Variants in GREB1 observed in about 807,000 individuals in gnomAD.
The protein encoded by GREB1 is protein GREB1.
GREB1 carries 106 observed loss-of-function variants against 200.7 expected under a neutral mutation model. The ratio of observed to expected loss-of-function variants is 0.53; its 90% CI spans 0.45 to 0.62. The LOEUF (loss-of-function observed/expected upper bound fraction) is 0.62, where lower values mean the gene tolerates loss of function less well. Among genes scored for constraint, GREB1 ranks in the 20% least tolerant of loss-of-function variants. GREB1 has a pLI of 0.00. For synonymous variants in GREB1, 1,132 were observed against 1,092.4 expected (o/e 1.04, Z -0.72); for missense variants, 2,243 against 2,556.8 (o/e 0.88, Z 2.65).
chr2:11,534,209 A>G lies in GREB1; in HGVS notation c.-207A>G, dbSNP rs887886389. 1 of 152,272 alleles carries G rather than the reference A, an allele frequency of 6.6e-6. No homozygotes were observed. The highest frequency in any genetic ancestry group is 1.5e-5 in the Non-Finnish European group (1 of 68,024). The allele number at this position is 152,272 out of a possible 1,614,324, so 9.4% of individuals were successfully genotyped here. A position where few individuals can be genotyped will look rare whatever the true frequency, so the allele number is the denominator to read the frequency against. ...CTGGAGCCCTATGGAAAGTTCTGAC[A>G]CCATGTGTGGAAGGACATGGCTTTT... On this transcript the variant is annotated 5_prime_UTR_variant, in exon 1 of 33. Coordinates refer to ENST00000381486, the MANE Select transcript of GREB1 (RefSeq NM_014668.4).
intron 4 of GREB1, 76 bp downstream of exon 4, chr2:11,566,732 G>A: frequency 1.5e-6 from 2 of 1,361,612 alleles, no homozygotes; most frequent in East Asian, 4.8e-5. Flanking sequence ...CACGGCGGGG[G>A]GTGGTGGCAA....
intron 6 of GREB1, among the ~76,000 whole-genome samples, chr2:11,579,473 C>T (rs1679238366): frequency 6.6e-6 from 1 of 152,236 alleles, no homozygotes; most frequent in Admixed American, 6.5e-5. Flanking sequence ...GCAAGTACTC[C>T]AAGCGTGTTA....
chr2:11,549,312 T>C (rs904882921), intron 1 of GREB1, among the ~76,000 whole-genome samples: 2 of 152,170 alleles, frequency 1.3e-5, no homozygotes, highest in Non-Finnish European at 2.9e-5. Context: ...AACATTAAAA[T>C]GTTTTCTCTT....
At chr2:11,593,397 G>T (rs1019216909) in intron 11 of GREB1, among the ~76,000 whole-genome samples, 1 of 139,544 alleles carries the variant, frequency 7.2e-6, no homozygotes, top group Non-Finnish European at 1.5e-5. Flanking sequence ...GCTCCACCAC[G>T]TGGGTGGTCA....
At chr2:11,550,205 G>A (rs1300723742) in intron 1 of GREB1, among the ~76,000 whole-genome samples, 2 of 152,132 alleles carry the variant, frequency 1.3e-5, no homozygotes, top group East Asian at 1.9e-4. Context: ...AAACAAGAGC[G>A]AAACTCTGTC....
rs528866834 is a variant in GREB1 at position 11,580,289 on chromosome 2, A to C, written c.773-415A>C. Among the ~76,000 whole-genome samples the C allele has an allele frequency of 6.8e-4, 103 of 152,282 alleles. No homozygotes were observed. Among genetic ancestry groups the C allele is most frequent in the African/African-American group, 2.4e-3 (98 of 41,542 alleles). ...AGGTCTTGAGAGAGAAGGTAGAAGG[A>C]AGCAGAACAGTTTCAGGTGTGGTCC... On this transcript the variant is annotated intron_variant, in intron 6 of 32. Transcript: ENST00000381486. The surrounding 1 kb of genome is among the most constrained non-coding windows in gnomAD (Gnocchi z 4.5).
At chr2:11,555,627 A>C (rs1676356911) in intron 1 of GREB1, among the ~76,000 whole-genome samples, 1 of 152,230 alleles carries the variant, frequency 6.6e-6, no homozygotes, top group Non-Finnish European at 1.5e-5. Context: ...GAAGCCAGTC[A>C]CAAAAGACCT....
At chr2:11,551,644 T>TC (rs1453500933) in intron 1 of GREB1, among the ~76,000 whole-genome samples, 18 of 152,262 alleles carry the variant, frequency 1.2e-4, no homozygotes, top group Admixed American at 1.2e-3. Flanking sequence ...TTCGTGCCTT[T>TC]GCACTCTCCT....
At chr2:11,488,821 G>A (rs1672716093) in intron 1 of GREB1, among the ~76,000 whole-genome samples, 1 of 144,854 alleles carries the variant, frequency 6.9e-6, no homozygotes, top group Non-Finnish European at 1.5e-5. Flanking sequence ...TTTGGGAAAG[G>A]AATTACCAGA....
chr2:11,631,987 G>A lies in GREB1; in HGVS notation c.4690G>A (p.Ala1564Thr), dbSNP rs1293685704. ...HEHGLFNLYH[A>T]MDGASHLHVL... ...ACATGGGCTCTTTAATCTGTACCACGCAATGGACGGTGCCAGCCATTTGCA... is the reference window on the plus strand; with the variant it reads ...ACATGGGCTCTTTAATCTGTACCACACAATGGACGGTGCCAGCCATTTGCA... The change falls in exon 27 of 33, where the codon GCA becomes ACA. Residue 1564 changes from alanine (A) to threonine (T), a missense_variant. Ala to Thr is a moderately conservative substitution (Grantham distance 58). Transcript: ENST00000381486. 5.6e-6 allele frequency: 9 copies of A among 1,613,750 alleles called. No homozygotes were observed. The highest frequency in any genetic ancestry group is 1.7e-5 in the Admixed American group (1 of 59,996).
chr2:11,509,498 A>G lies in GREB1; in HGVS notation c.-159+27117A>G, dbSNP rs528214542. ...CTTTAAAAAAAAAAGTTACCACAAT[A>G]CCGTTATCACACCTAAAAAACATTA... On this transcript the variant is annotated intron_variant, in intron 1 of 2. Coordinates refer to the GREB1 transcript ENST00000628795. Among the ~76,000 whole-genome samples the G allele has an allele frequency of 5.9e-5, 9 of 152,266 alleles. No individual in the cohort carries two copies. In the East Asian group the frequency reaches 1.7e-3, roughly 29 times the overall value.
chr2:11,543,047 C>G (rs574546791), intron 1 of GREB1, among the ~76,000 whole-genome samples: 1 of 152,240 alleles, frequency 6.6e-6, no homozygotes, highest in South Asian at 2.1e-4. Flanking sequence ...TCTACTGTCT[C>G]TTTTTAGGGG....
intron 3 of GREB1, among the ~76,000 whole-genome samples, chr2:11,563,888 A>C (rs546482067): frequency 3.9e-4 from 59 of 152,322 alleles, no homozygotes; most frequent in African/African-American, 1.4e-3. Flanking sequence ...GCTATACAGG[A>C]AAGTGGATAC....
In GREB1 at chr2:11,602,330, G is replaced by A. The variant is rs558361928; in HGVS notation, c.2530-76G>A. ...ATGAAGTTGCCAACCCAGGTCATCCGCAGGCCTGGCACACGAACCTCTGAC... is the reference window on the plus strand; with the variant it reads ...ATGAAGTTGCCAACCCAGGTCATCCACAGGCCTGGCACACGAACCTCTGAC... On this transcript the variant is annotated intron_variant, in intron 16 of 32. Coordinates refer to ENST00000381486, the MANE Select transcript of GREB1 (RefSeq NM_014668.4). The A allele has an allele frequency of 3.9e-5, 54 of 1,370,272 alleles. 1 individual carries two copies. Among genetic ancestry groups the A allele is most frequent in the African/African-American group, 3.4e-4 (24 of 69,744 alleles). The allele number at this position is 1,370,272 out of a possible 1,614,324, so 84.9% of individuals were successfully genotyped here.
chr2:11,625,091 A>G (rs1054200752), intron 23 of GREB1, 63 bp from the exon 24 acceptor site: 1 of 1,300,356 alleles, frequency 7.7e-7, no homozygotes, highest in East Asian at 2.3e-5. Context: ...GTTTAGCGAC[A>G]CATGACTGTA....
chr2:11,622,367 C>T (rs1346131670), intron 23 of GREB1, among the ~76,000 whole-genome samples: 1 of 152,248 alleles, frequency 6.6e-6, no homozygotes, highest in Non-Finnish European at 1.5e-5. Context: ...AGGTGTGAGC[C>T]ACCGTGCTTG....
chr2:11,532,893 G>A (rs143520739), upstream of GREB1, among the ~76,000 whole-genome samples: 1,922 of 152,236 alleles, frequency 0.013, 22 homozygotes, highest in Middle Eastern at 0.031. Context: ...GGTGCTTTAC[G>A]GTCCTGGTGT....
chr2:11,512,683 C>T (rs1459577787), intron 1 of GREB1, among the ~76,000 whole-genome samples: 2 of 152,154 alleles, frequency 1.3e-5, no homozygotes, highest in Non-Finnish European at 2.9e-5. Flanking sequence ...CTCAAATCAA[C>T]CACCAAGCCT....
At position 11,630,106 on chromosome 2, in the gene GREB1, C is replaced by A. The variant is rs1387515734; in HGVS notation, c.4608C>A (p.Asp1536Glu). Residue 1536 changes from aspartate (D) to glutamate (E), a missense_variant, in exon 26 of 33, where the codon GAC (aspartate) becomes GAA (glutamate). Coordinates refer to ENST00000381486, the MANE Select transcript of GREB1 (RefSeq NM_014668.4). ...LESMRLPLVT[D>E]KSHEYIKSPT... ...GCATGCGACTACCCCTCGTGACAGA[C>A]AAGGTACTGGCTCAGAGACCTAGTG... 1 of 1,614,050 alleles carries A rather than the reference C, an allele frequency of 6.2e-7. No homozygotes were observed. The highest frequency in any genetic ancestry group is 8.5e-7 in the Non-Finnish European group (1 of 1,179,940).
Sources: gnomAD v4.1 joint callset for allele counts (sites outside exome capture counted in the v4.1 genomes callset) on GRCh38, gnomAD v4.1.1 for gene constraint, Gnocchi (gnomAD v3.1) non-coding constraint, MANE v1.5 for transcripts, NCBI Gene and HGNC (gene_info 2026-07-23, HGNC 2026-07-21) for gene names.